Variants in CFAP47 observed in about 807,000 individuals in gnomAD.
The protein encoded by CFAP47 is cilia- and flagella-associated protein 47.
A neutral mutation model predicts 148.1 loss-of-function variants in CFAP47; 29 were observed. That is an observed-to-expected ratio of 0.20 (90% CI 0.15 to 0.27). The LOEUF is 0.27. Ranked by LOEUF, CFAP47 falls within the 10% of genes least tolerant of loss-of-function variation. The pLI is 1.00. For missense variants in CFAP47, 1,872 were observed against 1,697.5 expected (o/e 1.10, Z -1.81); for synonymous variants, 664 against 577.3 (o/e 1.15, Z -2.15).
intron 29 of CFAP47, among the ~76,000 whole-genome samples, chrX:36,080,955 A>T (rs1028742363): frequency 4.5e-5 from 5 of 112,082 alleles, no homozygotes; most frequent in Non-Finnish European, 7.5e-5. Context: ...AACTAGGAAA[A>T]CTAACTCAAA....
chrX:36,181,249 T>C (rs906832213), intron 40 of CFAP47, among the ~76,000 whole-genome samples: 1 of 111,790 alleles, frequency 8.9e-6, no homozygotes, highest in African/African-American at 3.2e-5. Flanking sequence ...ATCTCAAATT[T>C]ATCATGTTTT....
intron 54 of CFAP47, among the ~76,000 whole-genome samples, chrX:36,305,186 C>G (rs1556008603): frequency 8.9e-6 from 1 of 111,910 alleles, no homozygotes; most frequent in Non-Finnish European, 1.9e-5. Context: ...TCACTAATTA[C>G]TATATTGCTA....
At chrX:36,084,510 C>T (rs1316532226) in intron 29 of CFAP47, among the ~76,000 whole-genome samples, 4 of 111,630 alleles carry the variant, frequency 3.6e-5, no homozygotes, top group Non-Finnish European at 7.5e-5. Context: ...AACTTCCTAT[C>T]TACCAAAGTG....
intron 51 of CFAP47, among the ~76,000 whole-genome samples, chrX:36,285,930 T>C (rs1345442248): frequency 8.9e-6 from 1 of 111,924 alleles, no homozygotes; most frequent in Admixed American, 9.5e-5. Flanking sequence ...AGTTATATGT[T>C]ATCTTATAGT....
At chrX:35,956,333 A>G (rs1440530383) in intron 8 of CFAP47, 137 bp downstream of exon 8, 5 of 496,327 alleles carry the variant, frequency 1.0e-5, no homozygotes, top group Non-Finnish European at 1.7e-5. Context: ...AGTTATGAAG[A>G]TTTTTGTATT....
chrX:35,986,829 C>G (rs982697594), intron 15 of CFAP47, among the ~76,000 whole-genome samples: 1 of 111,450 alleles, frequency 9.0e-6, no homozygotes, highest in Non-Finnish European at 1.9e-5. Flanking sequence ...GGTGCTATTG[C>G]TTTCTGTTTG....
At chrX:36,068,668 T>A (rs1937685540) in intron 27 of CFAP47, among the ~76,000 whole-genome samples, 1 of 110,830 alleles carries the variant, frequency 9.0e-6, no homozygotes, top group Admixed American at 9.6e-5. Flanking sequence ...AAAGATTTTT[T>A]TTTTTTTGGC....
At chrX:36,345,285 G>C (rs1347578612) in intron 57 of CFAP47, among the ~76,000 whole-genome samples, 1 of 111,523 alleles carries the variant, frequency 9.0e-6, no homozygotes, top group Non-Finnish European at 1.9e-5. Context: ...TGGCACCAGG[G>C]ATCGGTTTCA....
chrX:36,291,856 G>A (rs868952083), intron 51 of CFAP47, among the ~76,000 whole-genome samples: 2 of 111,309 alleles, frequency 1.8e-5, no homozygotes, highest in Middle Eastern at 4.7e-3. Flanking sequence ...ATATATATAC[G>A]TAGAGAATAA....
chrX:35,924,187 G>A (rs764701253), intron 1 of CFAP47, among the ~76,000 whole-genome samples: 7 of 103,806 alleles, frequency 6.7e-5, no homozygotes, highest in East Asian at 3.0e-4. Flanking sequence ...ATGCGTACAT[G>A]TATGTGTATA....
intron 39 of CFAP47, among the ~76,000 whole-genome samples, chrX:36,174,889 A>C (rs1278230171): frequency 9.0e-6 from 1 of 111,155 alleles, no homozygotes; most frequent in Non-Finnish European, 1.9e-5. Context: ...AATATCCTGC[A>C]GAGTGTTTTC....
chrX:36,232,926 T>C (rs1368446544), intron 46 of CFAP47, among the ~76,000 whole-genome samples: 1 of 112,252 alleles, frequency 8.9e-6, no homozygotes, highest in African/African-American at 3.2e-5. Flanking sequence ...TGAGTGGTTT[T>C]GAGTGAGTTT....
chrX:36,102,455 G>T (rs1938392046), intron 32 of CFAP47, among the ~76,000 whole-genome samples: 1 of 111,565 alleles, frequency 9.0e-6, no homozygotes, highest in Non-Finnish European at 1.9e-5. Context: ...CTATCATTCT[G>T]TGGTAAAGAG....
chrX:36,170,913 A>C (rs1443287814), intron 39 of CFAP47, among the ~76,000 whole-genome samples: 23 of 107,880 alleles, frequency 2.1e-4, no homozygotes, highest in African/African-American at 7.5e-4. Flanking sequence ...AGTCCCACCA[A>C]CAGTGTAAAA....
At chrX:36,200,639 C>T (rs1939969998) in intron 43 of CFAP47, 146 bp downstream of exon 43, 1 of 277,624 alleles carries the variant, frequency 3.6e-6, no homozygotes, top group Non-Finnish European at 6.3e-6. Flanking sequence ...ATGTCAGTAT[C>T]CATGAAATAG....
chrX:36,198,135 C>T, intron 42 of CFAP47, among the ~76,000 whole-genome samples: 1 of 111,066 alleles, frequency 9.0e-6, no homozygotes. Context: ...GCCTGTGACC[C>T]AGCCCCAGGA....
At chrX:36,351,773 C>T (rs782528802) in intron 59 of CFAP47, among the ~76,000 whole-genome samples, 4 of 111,440 alleles carry the variant, frequency 3.6e-5, no homozygotes, top group Non-Finnish European at 7.6e-5. Flanking sequence ...GTTATTAAAT[C>T]ATTTTCCCCA....
intron 23 of CFAP47, among the ~76,000 whole-genome samples, chrX:36,033,875 AG>A (rs1252717507): frequency 8.9e-6 from 1 of 111,767 alleles, no homozygotes; most frequent in Non-Finnish European, 1.9e-5. Context: ...CATGCAAGTC[AG>A]GCCCATAATG....
intron 56 of CFAP47, among the ~76,000 whole-genome samples, chrX:36,313,338 GGAA>G (rs1199491763): frequency 9.1e-6 from 1 of 110,238 alleles, no homozygotes; most frequent in East Asian, 2.8e-4. Context: ...ATGACGGCAG[GGAA>G]GAGAGATCAA....
Sources: allele counts gnomAD v4.1 joint callset (sites outside exome capture counted in the v4.1 genomes callset), GRCh38; gene constraint gnomAD v4.1.1; transcripts MANE v1.5; gene names NCBI Gene and HGNC (gene_info 2026-07-23, HGNC 2026-07-21).